CCAR1: variants seen among roughly 807,000 people sequenced by gnomAD.
CCAR1 encodes cell division cycle and apoptosis regulator protein 1.
Under a neutral mutation model 163.8 loss-of-function variants are expected in CCAR1, and 78 were observed. That is an observed-to-expected ratio of 0.48 (90% CI 0.40 to 0.57). The LOEUF (loss-of-function observed/expected upper bound fraction) is 0.57. Ranked by LOEUF, CCAR1 falls within the 20% of genes least tolerant of loss-of-function variation. The pLI is 0.00. For missense variants in CCAR1, 1,019 were observed against 1,365.2 expected, an observed-to-expected ratio of 0.75 and a Z score of 4.00; for synonymous variants, 443 against 460.7, an observed-to-expected ratio of 0.96 and a Z score of 0.49.
At position 68,754,043 on chromosome 10, in the gene CCAR1, A is replaced by G; in HGVS notation, c.1310A>G (p.Asp437Gly). 6.2e-7 allele frequency: 1 copy of G among 1,613,838 alleles called. No homozygotes were observed. Among genetic ancestry groups the G allele is most frequent in the Non-Finnish European group, 8.5e-7 (1 of 1,179,772 alleles). ...ESLEKNMAIL[D>G]PPDADHLYSA... Reference sequence around the variant, plus strand: ...TTAGAAAAAAATATGGCCATTCTTGATCCACCAGATGCTGACCACTTATAC... The same window carrying G: ...TTAGAAAAAAATATGGCCATTCTTGGTCCACCAGATGCTGACCACTTATAC... Residue 437 changes from aspartate to glycine, a missense_variant, in exon 11 of 25, where the codon GAT (aspartate) becomes GGT (glycine). Asp to Gly is a moderately conservative substitution (Grantham distance 94). Coordinates refer to ENST00000265872, the MANE Select transcript of CCAR1 (RefSeq NM_018237.4).
chr10:68,756,288 G>A lies in CCAR1; in HGVS notation c.1641G>A (p.Glu547=). ...CTTGCAACAGGTACCGTTTTGCAGAGATTCGCTACCATCGCCCTGAGGAGA... is the reference window on the plus strand; with the variant it reads ...CTTGCAACAGGTACCGTTTTGCAGAAATTCGCTACCATCGCCCTGAGGAGA... ...SVCTQWYRFA[E]IRYHRPEETH... Residue 547 remains glutamate, a synonymous_variant, in exon 14 of 25, where the codon GAG becomes GAA. Transcript: ENST00000265872. This position sits in a 1 kb window ranked among gnomAD's most constrained non-coding sequence, Gnocchi z 5.1. The A allele has an allele frequency of 2.5e-6, 4 of 1,613,884 alleles. No homozygotes were observed. The highest frequency in any genetic ancestry group is 3.4e-6 in the Non-Finnish European group (4 of 1,179,862).
chr10:68,769,580 A>AT (rs1296545291), intron 17 of CCAR1, among the ~76,000 whole-genome samples: 1 of 151,914 alleles, frequency 6.6e-6, no homozygotes, highest in Non-Finnish European at 1.5e-5. Context: ...AGATAGTGCC[A>AT]TTGCACTCCA....
At chr10:68,767,338 G>A (rs1237483519) in intron 17 of CCAR1, among the ~76,000 whole-genome samples, 1 of 152,100 alleles carries the variant, frequency 6.6e-6, no homozygotes, top group African/African-American at 2.4e-5. Flanking sequence ...CACAATCTGA[G>A]CTCACTGCAA....
chr10:68,747,225 A>G lies in CCAR1; in HGVS notation c.583A>G (p.Asn195Asp). The G allele has an allele frequency of 6.2e-7, 1 of 1,612,470 alleles. No homozygotes were observed. Among genetic ancestry groups the G allele is most frequent in the Non-Finnish European group, 8.5e-7 (1 of 1,179,370 alleles). The change falls in exon 7 of 25, where the codon AAT (asparagine) becomes GAT (aspartate). Residue 195 changes from asparagine to aspartate, a missense_variant. Physicochemically the swap from Asn to Asp is conservative, Grantham distance 23. Transcript: ENST00000265872. Reference sequence around the variant, plus strand: ...ATTGGTTGAAGCTACTTATAATCCTAATATGCCTTTTAAATGGAATGCACA... The same window carrying G: ...ATTGGTTGAAGCTACTTATAATCCTGATATGCCTTTTAAATGGAATGCACA... ...RVLVEATYNP[N>D]MPFKWNAQRI...
intron 8 of CCAR1, among the ~76,000 whole-genome samples, chr10:68,748,658 T>A (rs2056291119): frequency 6.6e-6 from 1 of 151,808 alleles, no homozygotes; most frequent in Admixed American, 6.6e-5. Flanking sequence ...CCAGCCTAAT[T>A]TTTGTATCTT....
At chr10:68,734,053 TTC>T (rs1201202135) in intron 2 of CCAR1, among the ~76,000 whole-genome samples, 8 of 152,192 alleles carry the variant, frequency 5.3e-5, no homozygotes, top group African/African-American at 1.9e-4. Context: ...GGGATTTTGT[TTC>T]TTTCTTATTT....
intron 5 of CCAR1, among the ~76,000 whole-genome samples, chr10:68,741,985 TAGA>T (rs2056189872): frequency 6.6e-6 from 1 of 152,148 alleles, no homozygotes; most frequent in African/African-American, 2.4e-5. Flanking sequence ...AGAAAAACAA[TAGA>T]AGTTCTTTTG....
At position 68,723,584 on chromosome 10, in the gene CCAR1, C is replaced by T. The variant is rs542025927; in HGVS notation, c.73+1007C>T. Among the ~76,000 whole-genome samples the T allele has an allele frequency of 4.6e-5, 7 of 150,898 alleles. No individual in the cohort carries two copies. In the East Asian group the frequency reaches 9.8e-4, roughly 21 times the overall value. Reference sequence around the variant, plus strand: ...AGTAAATGGGCCGGGCGCGGTGACTCATGCCTGTAATCCCAGCACTTTGGG... The same window carrying T: ...AGTAAATGGGCCGGGCGCGGTGACTTATGCCTGTAATCCCAGCACTTTGGG... On this transcript the variant is annotated intron_variant, in intron 2 of 24. Coordinates refer to ENST00000265872, the MANE Select transcript of CCAR1 (RefSeq NM_018237.4).
intron 6 of CCAR1, among the ~76,000 whole-genome samples, chr10:68,746,261 G>A (rs935862774): frequency 4.8e-5 from 7 of 146,898 alleles, no homozygotes; most frequent in African/African-American, 1.3e-4. Flanking sequence ...GTGAGCCACC[G>A]CGCCCAGCCT....
In CCAR1 at chr10:68,789,787, G is replaced by A; in HGVS notation, c.3265G>A (p.Asp1089Asn). 1 of 1,606,812 alleles carries A rather than the reference G, an allele frequency of 6.2e-7. No homozygotes were observed. Among genetic ancestry groups the A allele is most frequent in the South Asian group, 1.1e-5 (1 of 88,730 alleles). Residue 1089 changes from aspartate (D) to asparagine (N), a missense_variant, in exon 24 of 25, where the codon GAC becomes AAC. Asp to Asn is a conservative substitution (Grantham distance 23). Coordinates refer to ENST00000265872, the MANE Select transcript of CCAR1 (RefSeq NM_018237.4). Reference sequence around the variant, plus strand: ...TGGTGAACTCAGAGAAGTTAAAAAGGACCTTAGTCAGTTACAAGAAAACTT... The same window carrying A: ...TGGTGAACTCAGAGAAGTTAAAAAGAACCTTAGTCAGTTACAAGAAAACTT... ...LSGELREVKK[D>N]LSQLQENLKI...
At chr10:68,736,687 C>A (rs1289972567) in intron 2 of CCAR1, among the ~76,000 whole-genome samples, 189 bp from the exon 3 acceptor site, 1 of 152,118 alleles carries the variant, frequency 6.6e-6, no homozygotes, top group Admixed American at 6.6e-5. Context: ...TTCCCTTGTG[C>A]ATATATACCA....
chr10:68,749,270 ATTT>A lies in CCAR1; in HGVS notation c.956+7_956+9del. Reference sequence around the variant, plus strand: ...TAACAGAAAAGATGATCGAAGGTATATTTTCTAAAGTGTACTGTGGATGGTGGC... The same window carrying A: ...TAACAGAAAAGATGATCGAAGGTATATCTAAAGTGTACTGTGGATGGTGGC... On this transcript the variant is annotated splice_donor_region_variant and intron_variant, in intron 9 of 24. Coordinates refer to ENST00000265872, the MANE Select transcript of CCAR1 (RefSeq NM_018237.4). 6.2e-7 allele frequency: 1 copy of A among 1,606,796 alleles called. No individual in the cohort carries two copies. The highest frequency in any genetic ancestry group is 8.5e-7 in the Non-Finnish European group (1 of 1,177,616).
intron 4 of CCAR1, among the ~76,000 whole-genome samples, chr10:68,738,159 A>G (rs1310150393): frequency 6.6e-6 from 1 of 152,230 alleles, no homozygotes; most frequent in African/African-American, 2.4e-5. Context: ...TCATGCCTGT[A>G]ATCCCAGCAT....
At chr10:68,769,066 C>T (rs1294004339) in intron 17 of CCAR1, among the ~76,000 whole-genome samples, 1 of 152,122 alleles carries the variant, frequency 6.6e-6, no homozygotes, top group East Asian at 1.9e-4. Context: ...CGTCCACGTC[C>T]CAGATTGAAG....
intron 2 of CCAR1, among the ~76,000 whole-genome samples, chr10:68,729,660 C>A (rs1283913126): frequency 2.6e-5 from 4 of 150,958 alleles, no homozygotes; most frequent in Admixed American, 2.6e-4. Flanking sequence ...GCCAGTAGTC[C>A]CTCAGGAGGC....
At chr10:68,744,813 G>A (rs1426171711) in intron 6 of CCAR1, among the ~76,000 whole-genome samples, 1 of 151,518 alleles carries the variant, frequency 6.6e-6, no homozygotes, top group Non-Finnish European at 1.5e-5. Context: ...AATGAGTCTA[G>A]GAGGTATATC....
intron 19 of CCAR1, among the ~76,000 whole-genome samples, chr10:68,783,000 CTTTTTT>C (rs34366966): frequency 1.1e-5 from 1 of 92,424 alleles, no homozygotes; most frequent in Non-Finnish European, 2.1e-5. Context: ...TCACTTTACT[CTTTTTT>C]TTTTTTTTTT....
chr10:68,757,009 G>A (rs1453557438), intron 14 of CCAR1, among the ~76,000 whole-genome samples: 1 of 152,174 alleles, frequency 6.6e-6, no homozygotes, highest in Non-Finnish European at 1.5e-5. Flanking sequence ...ACACTGTGTG[G>A]TTTGTGGAGA....
chr10:68,785,176 C>T (rs1431069530), intron 19 of CCAR1, among the ~76,000 whole-genome samples: 2 of 151,724 alleles, frequency 1.3e-5, no homozygotes, highest in Non-Finnish European at 2.9e-5. Flanking sequence ...CTCGGCCTCC[C>T]AAAGTGCTGG....
Sources: allele counts gnomAD v4.1 joint callset (sites outside exome capture counted in the v4.1 genomes callset), GRCh38; gene constraint gnomAD v4.1.1; non-coding constraint Gnocchi (gnomAD v3.1); transcripts MANE v1.5; gene names NCBI Gene and HGNC (gene_info 2026-07-23, HGNC 2026-07-21).